Variants in PDE5A observed in about 807,000 individuals in gnomAD.
PDE5A encodes cGMP-specific 3',5'-cyclic phosphodiesterase.
In PDE5A, 67 loss-of-function variants were observed where a neutral mutation model predicts 110.2. The ratio of observed to expected loss-of-function variants is 0.61; its 90% CI spans 0.50 to 0.75. The LOEUF (loss-of-function observed/expected upper bound fraction) is 0.75, where lower values mean the gene tolerates loss of function less well. Ranked by LOEUF, PDE5A falls within the 30% of genes least tolerant of loss-of-function variation. The pLI is 0.00. For missense variants in PDE5A, 862 were observed against 1,045.1 expected (o/e 0.82, Z 2.42); for synonymous variants, 328 against 351.2 (o/e 0.93, Z 0.74).
chr4:119,535,207 G>A (rs957995077), intron 11 of PDE5A, among the ~76,000 whole-genome samples: 1 of 152,098 alleles, frequency 6.6e-6, no homozygotes, highest in African/African-American at 2.4e-5. Flanking sequence ...AGCTGGGGCT[G>A]CAGGCATTTA....
At chr4:119,531,987 G>A (rs543230018) in intron 11 of PDE5A, among the ~76,000 whole-genome samples, 1 of 152,162 alleles carries the variant, frequency 6.6e-6, no homozygotes, top group Admixed American at 6.5e-5. Context: ...CAACATGGCT[G>A]GCTCTATCAC....
chr4:119,532,432 A>ATCTT, intron 11 of PDE5A, among the ~76,000 whole-genome samples: 1 of 152,230 alleles, frequency 6.6e-6, no homozygotes. Flanking sequence ...ATTAAAGAGA[A>ATCTT]TCTTTCCTGA....
intron 1 of PDE5A, among the ~76,000 whole-genome samples, chr4:119,613,893 G>C (rs1318982504): frequency 6.6e-6 from 1 of 151,924 alleles, no homozygotes. Flanking sequence ...ATCAAATCCA[G>C]GTTTCCTATT....
rs1307226647 is a variant in PDE5A, at chr4:119,497,187, T to C, written c.*1414A>G. 1.3e-5 allele frequency: 2 copies of C among 152,070 alleles called. No individual in the cohort carries two copies. Among genetic ancestry groups the C allele is most frequent in the Admixed American group, 1.3e-4 (2 of 15,248 alleles). 9.4% of individuals were successfully genotyped at this position (152,070 alleles called of 1,614,324 possible). ...TCAGATCAAATATCTTTTTTGTGGG[T>C]TGGAGGTAGAAGTTAACAAATCAAG... On this transcript the variant is annotated 3_prime_UTR_variant, in exon 21 of 21. Coordinates refer to ENST00000354960, the MANE Select transcript of PDE5A (RefSeq NM_001083.4).
In PDE5A at chr4:119,502,561, C is replaced by T. The variant is rs1437894114; in HGVS notation, c.2406+20G>A. ...AAAAAACAATTTGAATAATTCCTAC[C>T]AACAAGGTTTCATACTTACAGTGGG... On this transcript the variant is annotated intron_variant, in intron 19 of 20. Coordinates refer to ENST00000354960, the MANE Select transcript of PDE5A (RefSeq NM_001083.4). 1.6e-5 allele frequency: 23 copies of T among 1,431,588 alleles called. No individual in the cohort carries two copies. Among genetic ancestry groups the T allele is most frequent in the Non-Finnish European group, 2.2e-5 (23 of 1,028,324 alleles). The allele number at this position is 1,431,588 out of a possible 1,614,324, so 88.7% of individuals were successfully genotyped here.
intron 14 of PDE5A, chr4:119,512,431 T>G (rs1725776715): frequency 6.6e-6 from 1 of 152,254 alleles, no homozygotes; most frequent in African/African-American, 2.4e-5. Context: ...ACTATATTTC[T>G]GAAAAAGGAT....
At chr4:119,615,071 G>A (rs77926268) in intron 1 of PDE5A, among the ~76,000 whole-genome samples, 5 of 152,236 alleles carry the variant, frequency 3.3e-5, no homozygotes, top group African/African-American at 9.6e-5. Context: ...CTTCTCTGGA[G>A]TTCATTTTCA....
intron 6 of PDE5A, among the ~76,000 whole-genome samples, chr4:119,560,657 T>G (rs190402085): frequency 2.6e-5 from 4 of 152,210 alleles, no homozygotes; most frequent in Non-Finnish European, 4.4e-5. Context: ...AGTTTCAAAA[T>G]TTTTTACACT....
chr4:119,582,491 C>T (rs1198236384), intron 3 of PDE5A, among the ~76,000 whole-genome samples: 1 of 152,174 alleles, frequency 6.6e-6, no homozygotes, highest in African/African-American at 2.4e-5. Context: ...AATTCCTGTT[C>T]ATGTTGATAA....
intron 15 of PDE5A, 24 bp from the exon 16 acceptor site, chr4:119,507,728 A>AATACTGGT: frequency 4.1e-6 from 6 of 1,466,468 alleles, no homozygotes; most frequent in Non-Finnish European, 5.6e-6. Flanking sequence ...GAAAACCAGT[A>AATACTGGT]TTAACATCCT....
intron 1 of PDE5A, among the ~76,000 whole-genome samples, chr4:119,616,741 T>A (rs1223943869): frequency 3.3e-5 from 5 of 149,550 alleles, no homozygotes; most frequent in Non-Finnish European, 5.9e-5. Context: ...TCGTGAATGA[T>A]AAAAAAAAAA....
intron 3 of PDE5A, among the ~76,000 whole-genome samples, chr4:119,577,922 A>C (rs1462351874): frequency 6.6e-6 from 1 of 152,090 alleles, no homozygotes; most frequent in Admixed American, 6.6e-5. Context: ...TGGCATGATT[A>C]TGTATCTAGA....
intron 6 of PDE5A, among the ~76,000 whole-genome samples, chr4:119,560,731 G>T (rs1727718672): frequency 6.6e-6 from 1 of 152,088 alleles, no homozygotes; most frequent in African/African-American, 2.4e-5. Flanking sequence ...TAAATCCCAG[G>T]TAAAGAATCC....
intron 7 of PDE5A, among the ~76,000 whole-genome samples, chr4:119,558,248 T>G (rs1221662824): frequency 2.0e-5 from 3 of 152,318 alleles, no homozygotes; most frequent in South Asian, 2.1e-4. Context: ...TTCTAATAAT[T>G]ATGTGTAATG....
At chr4:119,550,352 T>C (rs1408410601) in intron 9 of PDE5A, 3 of 152,240 alleles carry the variant, frequency 2.0e-5, no homozygotes, top group Non-Finnish European at 2.9e-5. Context: ...TTTCATTTTT[T>C]ATTTTTTTCT....
chr4:119,605,894 G>A (rs773843741), intron 2 of PDE5A, among the ~76,000 whole-genome samples: 3 of 152,128 alleles, frequency 2.0e-5, no homozygotes, highest in Non-Finnish European at 4.4e-5. Context: ...AATTACCACT[G>A]AATCTTTATA....
rs768124109 is a variant in PDE5A, at chr4:119,502,694, C to G, written c.2332-39G>C. ...CAGACTCAGTTTTGACAATGAAAAG[C>G]ATATCATTCTTTAAAACAGAGACCG... is the stretch of plus-strand genomic sequence containing the variant. On this transcript the variant is annotated intron_variant, in intron 18 of 20. Transcript: ENST00000354960. 13 of 1,303,370 alleles carry G rather than the reference C, an allele frequency of 1.0e-5. No individual in the cohort carries two copies. In the Admixed American group the frequency reaches 2.3e-4, roughly 23 times the overall value. The allele number at this position is 1,303,370 out of a possible 1,614,324, so 80.7% of individuals were successfully genotyped here.
At chr4:119,502,780 GATACCCGAAGACAAGTAGTCCA>G in intron 18 of PDE5A, 125 bp from the exon 19 acceptor site, 1 of 626,268 alleles carries the variant, frequency 1.6e-6, no homozygotes, top group South Asian at 1.9e-5. Flanking sequence ...GCAGCAGCTT[GATACCCGAAGACAAGTAGTCCA>G]TGTCCAAAGC....
chr4:119,580,004 C>T (rs1189026025), intron 3 of PDE5A, among the ~76,000 whole-genome samples: 1 of 152,144 alleles, frequency 6.6e-6, no homozygotes, highest in Non-Finnish European at 1.5e-5. Context: ...ATCATTTGTT[C>T]TGTGCTATTA....
Sources: allele counts gnomAD v4.1 joint callset (sites outside exome capture counted in the v4.1 genomes callset), GRCh38; gene constraint gnomAD v4.1.1; transcripts MANE v1.5; gene names NCBI Gene and HGNC (gene_info 2026-07-23, HGNC 2026-07-21).